The following KPNA3 variants were observed in gnomAD, a reference collection of about 807,000 sequenced individuals.
KPNA3 encodes the protein karyopherin subunit alpha 3, also known as importin subunit alpha-4.
A neutral mutation model predicts 73.8 loss-of-function variants in KPNA3; 13 were observed. The observed-to-expected ratio is 0.18, with a 90% CI of 0.11 to 0.28. The LOEUF is 0.28. Among genes scored for constraint, KPNA3 ranks in the 10% least tolerant of loss-of-function variants. KPNA3 has a pLI of 1.00. For missense variants in KPNA3, 360 were observed against 618.1 expected (o/e 0.58, Z 4.43); for synonymous variants, 186 against 206.9 (o/e 0.90, Z 0.87).
At chr13:49,736,138 T>C (rs1306313173) in intron 2 of KPNA3, among the ~76,000 whole-genome samples, 1 of 152,196 alleles carries the variant, frequency 6.6e-6, no homozygotes, top group Non-Finnish European at 1.5e-5. Flanking sequence ...TTTTAGTTCC[T>C]TGGGTTTTGT....
chr13:49,741,717 G>A (rs1254238341), intron 2 of KPNA3, among the ~76,000 whole-genome samples: 1 of 152,218 alleles, frequency 6.6e-6, no homozygotes, highest in African/African-American at 2.4e-5. Flanking sequence ...GCCTCCCAAA[G>A]TGCTGGGATT....
At chr13:49,728,429 A>G (rs938828737) in intron 6 of KPNA3, among the ~76,000 whole-genome samples, 2 of 152,204 alleles carry the variant, frequency 1.3e-5, no homozygotes, top group African/African-American at 4.8e-5. Flanking sequence ...CTGAAAAATT[A>G]AAGTTGAGCA....
chr13:49,768,123 C>CA lies in KPNA3; in HGVS notation c.70-21131dup, dbSNP rs1336815111. Among the ~76,000 whole-genome samples, 13 of 151,772 alleles carry CA rather than the reference C, an allele frequency of 8.6e-5. No homozygotes were observed. The South Asian group carries it at 1.0e-3, about 12-fold the overall frequency. ...TGAAACCCCGTCTCTACTAAAAATA[C>CA]AAAAAATTAGCCGGGCGTGGTGGCA... On this transcript the variant is annotated intron_variant, in intron 1 of 16. Coordinates refer to ENST00000261667, the MANE Select transcript of KPNA3 (RefSeq NM_002267.4).
intron 1 of KPNA3, among the ~76,000 whole-genome samples, chr13:49,759,560 A>C (rs1400701044): frequency 6.6e-6 from 1 of 152,220 alleles, no homozygotes; most frequent in Non-Finnish European, 1.5e-5. Flanking sequence ...CTGCAACTAG[A>C]GGTCCCATCT....
intron 1 of KPNA3, among the ~76,000 whole-genome samples, chr13:49,775,803 T>C (rs1452605862): frequency 6.6e-6 from 1 of 152,196 alleles, no homozygotes; most frequent in Admixed American, 6.5e-5. Flanking sequence ...TGCTCCACAA[T>C]ATTGAAAAAA....
intron 15 of KPNA3, among the ~76,000 whole-genome samples, chr13:49,703,508 G>T (rs1214421798): frequency 6.6e-6 from 1 of 152,068 alleles, no homozygotes; most frequent in East Asian, 1.9e-4. Flanking sequence ...GCCTCATAAA[G>T]TAATTTGTAT....
chr13:49,792,211 C>A (rs1322685564), intron 1 of KPNA3, among the ~76,000 whole-genome samples: 1 of 151,880 alleles, frequency 6.6e-6, no homozygotes, highest in Non-Finnish European at 1.5e-5. Context: ...GGGCCGAAAA[C>A]GCCGGCATTT....
intron 2 of KPNA3, among the ~76,000 whole-genome samples, chr13:49,741,505 G>A (rs901601116): frequency 3.3e-5 from 5 of 150,268 alleles, no homozygotes; most frequent in African/African-American, 1.2e-4. Context: ...CCAGGCTGGA[G>A]TGCAGTGGCG....
chr13:49,700,453 C>G lies in KPNA3; in HGVS notation c.*1347G>C, dbSNP rs1024328612. On this transcript the variant is annotated 3_prime_UTR_variant, in exon 17 of 17. Transcript: ENST00000261667. ...TAAATCCATATTCTTTCATTAATAACTGGGTCAGACAATTTACCAAAAGCA... is the reference window on the plus strand; with the variant it reads ...TAAATCCATATTCTTTCATTAATAAGTGGGTCAGACAATTTACCAAAAGCA... The G allele has an allele frequency of 2.0e-5, 3 of 152,632 alleles. No homozygotes were observed. The highest frequency in any genetic ancestry group is 4.4e-5 in the Non-Finnish European group (3 of 68,028). The allele number at this position is 152,632 out of a possible 1,614,324, so 9.5% of individuals were successfully genotyped here. A position where few individuals can be genotyped will look rare whatever the true frequency, so the allele number is the denominator to read the frequency against.
In KPNA3 at chr13:49,722,502, T is replaced by C. The variant is rs747446368; in HGVS notation, c.531A>G (p.Ala177=). The change falls in exon 8 of 17, where the codon GCA becomes GCG. Residue 177 remains alanine (A), a synonymous_variant. Transcript: ENST00000261667. ...RSPHQNVCEQ[A]VWALGNIIGD... ...CTATAATGTTTCCCAAAGCCCATAC[T>C]GCTTGTTCACAAACATTCTGATGTG... is the stretch of plus-strand genomic sequence containing the variant. 1 of 1,611,654 alleles carries C rather than the reference T, an allele frequency of 6.2e-7. No homozygotes were observed. The highest frequency in any genetic ancestry group is 8.5e-7 in the Non-Finnish European group (1 of 1,178,590).
chr13:49,731,107 C>T (rs1421303451), intron 6 of KPNA3, among the ~76,000 whole-genome samples: 6 of 149,868 alleles, frequency 4.0e-5, no homozygotes, highest in Non-Finnish European at 5.9e-5. Context: ...CAGGGTCTTG[C>T]TCTGTTACCC....
At chr13:49,761,062 A>G (rs1241565312) in intron 1 of KPNA3, among the ~76,000 whole-genome samples, 1 of 152,250 alleles carries the variant, frequency 6.6e-6, no homozygotes, top group Admixed American at 6.5e-5. Flanking sequence ...AAGTAGGACA[A>G]AAACAGTATA....
chr13:49,788,011 C>G (rs917170920), intron 1 of KPNA3, among the ~76,000 whole-genome samples: 1 of 152,116 alleles, frequency 6.6e-6, no homozygotes, highest in African/African-American at 2.4e-5. Flanking sequence ...TATTGTAAGT[C>G]CAGGCTTTGC....
At chr13:49,707,344 G>C (rs1316619901) in intron 12 of KPNA3, among the ~76,000 whole-genome samples, 2 of 152,132 alleles carry the variant, frequency 1.3e-5, no homozygotes, top group Non-Finnish European at 1.5e-5. Context: ...AATAATTGCT[G>C]AATCTGTGTT....
chr13:49,735,385 G>C (rs546581597), intron 2 of KPNA3, among the ~76,000 whole-genome samples: 5 of 152,274 alleles, frequency 3.3e-5, no homozygotes, highest in Admixed American at 3.3e-4. Context: ...GCCTCCAAAA[G>C]TGGTAGGGTT....
chr13:49,768,986 A>T (rs917701242), intron 1 of KPNA3, among the ~76,000 whole-genome samples: 8 of 152,132 alleles, frequency 5.3e-5, no homozygotes, highest in Non-Finnish European at 7.3e-5. Context: ...ATTACAGAGC[A>T]CCCTCAGACA....
intron 1 of KPNA3, among the ~76,000 whole-genome samples, chr13:49,749,118 C>G (rs969363255): frequency 6.6e-6 from 1 of 152,194 alleles, no homozygotes; most frequent in East Asian, 1.9e-4. Context: ...GGCAGCATAT[C>G]TGCTCCAAAA....
At chr13:49,777,102 T>C (rs1431480823) in intron 1 of KPNA3, among the ~76,000 whole-genome samples, 1 of 152,248 alleles carries the variant, frequency 6.6e-6, no homozygotes, top group Non-Finnish European at 1.5e-5. Context: ...TGTTGAGGAA[T>C]GCACATGCAA....
chr13:49,753,812 C>T (rs956031235), intron 1 of KPNA3, among the ~76,000 whole-genome samples: 1 of 152,152 alleles, frequency 6.6e-6, no homozygotes, highest in African/African-American at 2.4e-5. Flanking sequence ...ATCTGTGGTG[C>T]AACAGTTTCA....
Sources: allele counts gnomAD v4.1 joint callset (sites outside exome capture counted in the v4.1 genomes callset), GRCh38; gene constraint gnomAD v4.1.1; transcripts MANE v1.5; gene names NCBI Gene and HGNC (gene_info 2026-07-23, HGNC 2026-07-21).